Variants in TRIO observed in about 807,000 individuals in gnomAD.
TRIO encodes trio Rho guanine nucleotide exchange factor.
Under a neutral mutation model 351.9 loss-of-function variants are expected in TRIO, and 58 were observed. The observed-to-expected ratio is 0.16, with a 90% CI of 0.13 to 0.21. The LOEUF is 0.21. Among genes scored for constraint, TRIO ranks in the 10% least tolerant of loss-of-function variants. The pLI, the probability that TRIO is intolerant of heterozygous loss-of-function variation, is 1.00. For synonymous variants in TRIO, 1,758 were observed against 1,595.7 expected (o/e 1.10, Z -2.42); for missense variants, 3,201 against 4,027.8 (o/e 0.79, Z 5.56).
chr5:14,457,681 C>T (rs569153818), intron 34 of TRIO, among the ~76,000 whole-genome samples: 1 of 152,246 alleles, frequency 6.6e-6, no homozygotes, highest in South Asian at 2.1e-4. Flanking sequence ...GACTGTGGTT[C>T]CTTCTCTCAT....
At chr5:14,313,931 G>A (rs1739150632) in intron 8 of TRIO, among the ~76,000 whole-genome samples, 1 of 152,146 alleles carries the variant, frequency 6.6e-6, no homozygotes, top group East Asian at 1.9e-4. Context: ...GAGTGTTGCT[G>A]TTTCTGACTG....
At chr5:14,192,574 T>C (rs1007633653) in intron 1 of TRIO, among the ~76,000 whole-genome samples, 2 of 152,166 alleles carry the variant, frequency 1.3e-5, no homozygotes, top group Non-Finnish European at 2.9e-5. Context: ...ATTAATAATA[T>C]CAGTATTCTG....
chr5:14,300,601 C>A (rs1737791608), intron 7 of TRIO, among the ~76,000 whole-genome samples: 1 of 152,112 alleles, frequency 6.6e-6, no homozygotes, highest in Non-Finnish European at 1.5e-5. Context: ...AATAAAGTAA[C>A]AGTGTTTGTA....
Position 14,508,047 on chromosome 5 carries a change from G to A in TRIO, c.8919G>A (p.Ser2973=), listed in dbSNP as rs564650565. ...TCGGGAACCCTGTCTCCCTGACCTC[G>A]GATACGTGGAGTGTTGGAGTGCTCA... ...IILGNPVSLT[S]DTWSVGVLTY... is the part of the protein sequence containing the mutation. Residue 2973 remains serine (S), a synonymous_variant, in exon 57 of 57, where the codon TCG becomes TCA. Coordinates refer to ENST00000344204, the MANE Select transcript of TRIO (RefSeq NM_007118.4). 2.5e-5 allele frequency: 40 copies of A among 1,614,188 alleles called. No individual in the cohort carries two copies. The Admixed American group carries it at 4.8e-4, about 19-fold the overall frequency.
rs1056803105 is a variant in TRIO, at chr5:14,369,269, C to T, written c.3067-105C>T. ...GCTCCTTCTTATGGTCTTGATCCTC[C>T]TGACAGCATCTTCATCCCCAGAGCC... On this transcript the variant is annotated intron_variant, in intron 17 of 56. Coordinates refer to ENST00000344204, the MANE Select transcript of TRIO (RefSeq NM_007118.4). 1.6e-5 allele frequency: 23 copies of T among 1,463,008 alleles called. No homozygotes were observed. In the Admixed American group the frequency reaches 4.5e-4, roughly 29 times the overall value. The allele number at this position is 1,463,008 out of a possible 1,614,324, so 90.6% of individuals were successfully genotyped here.
chr5:14,158,650 AG>A (rs1788254428), intron 1 of TRIO, among the ~76,000 whole-genome samples: 1 of 152,050 alleles, frequency 6.6e-6, no homozygotes, highest in African/African-American at 2.4e-5. Context: ...TGGGCAACAT[AG>A]TGAGATTCAG....
At chr5:14,394,349 C>T (rs1166777506) in intron 28 of TRIO, among the ~76,000 whole-genome samples, 1 of 152,018 alleles carries the variant, frequency 6.6e-6, no homozygotes, top group African/African-American at 2.4e-5. Context: ...ACTGACTGAC[C>T]CTAAACATAA....
chr5:14,293,911 A>G (rs1737119173), intron 6 of TRIO, among the ~76,000 whole-genome samples: 1 of 152,140 alleles, frequency 6.6e-6, no homozygotes, highest in Admixed American at 6.5e-5. Context: ...ACTTTAAGCC[A>G]GCCTTGTGAG....
At chr5:14,346,251 C>G (rs886826593) in intron 11 of TRIO, among the ~76,000 whole-genome samples, 1 of 152,178 alleles carries the variant, frequency 6.6e-6, no homozygotes, top group South Asian at 2.1e-4. Flanking sequence ...TGTTGATGAA[C>G]GACAAGCAGA....
chr5:14,144,370 TCCTCGACCC>T (rs1787362792), intron 1 of TRIO, among the ~76,000 whole-genome samples: 1 of 152,200 alleles, frequency 6.6e-6, no homozygotes, highest in African/African-American at 2.4e-5. Context: ...ACCTGGACCC[TCCTCGACCC>T]CATTAGCAGC....
At chr5:14,187,094 A>G (rs1391593666) in intron 1 of TRIO, among the ~76,000 whole-genome samples, 1 of 152,232 alleles carries the variant, frequency 6.6e-6, no homozygotes, top group Admixed American at 6.5e-5. Flanking sequence ...AAGGCAGCCT[A>G]AAGCGATGAA....
intron 1 of TRIO, among the ~76,000 whole-genome samples, chr5:14,207,775 T>C (rs1791637044): frequency 6.6e-6 from 1 of 152,162 alleles, no homozygotes; most frequent in South Asian, 2.1e-4. Flanking sequence ...TTGTAAATCA[T>C]ATATCCAATA....
chr5:14,355,232 T>C (rs1035087791), intron 11 of TRIO, among the ~76,000 whole-genome samples: 23 of 152,346 alleles, frequency 1.5e-4, no homozygotes, highest in African/African-American at 5.3e-4. Context: ...TTTGACTCTT[T>C]CATGAAACAT....
intron 25 of TRIO, 114 bp downstream of exon 25, chr5:14,389,512 A>T: frequency 1.4e-6 from 1 of 718,504 alleles, no homozygotes; most frequent in Non-Finnish European, 2.2e-6. Context: ...TTTTGTTTCC[A>T]TTTGAATGAA....
intron 33 of TRIO, among the ~76,000 whole-genome samples, chr5:14,410,174 G>A (rs1749076404): frequency 1.3e-5 from 2 of 152,176 alleles, no homozygotes; most frequent in Admixed American, 6.5e-5. Flanking sequence ...GGATTAAACG[G>A]CGTATGAGAC....
Position 14,496,927 on chromosome 5 carries a change from G to GA in TRIO, c.7935dup (p.Asp2646ArgfsTer2). 1.2e-6 allele frequency: 2 copies of GA among 1,614,136 alleles called. No homozygotes were observed. The highest frequency in any genetic ancestry group is 1.7e-6 in the Non-Finnish European group (2 of 1,180,014). ...CACTCCGTTTAAGGAAAAAATCTGA[G>GA]AAAAAAGATAAAGACGGCAAAAGGG... On this transcript the variant is annotated frameshift_variant, in exon 50 of 57. Transcript: ENST00000344204. LOFTEE classifies it high-confidence loss of function.
chr5:14,389,994 G>C (rs79968860), intron 25 of TRIO, among the ~76,000 whole-genome samples: 1 of 152,064 alleles, frequency 6.6e-6, no homozygotes, highest in Non-Finnish European at 1.5e-5. Context: ...AAATATTTAC[G>C]TCTCCGAAGT....
Position 14,487,445 on chromosome 5 carries a change from C to G in TRIO, c.6836-19C>G. The G allele has an allele frequency of 9.1e-7, 1 of 1,100,056 alleles. No individual in the cohort carries two copies. The highest frequency in any genetic ancestry group is 1.1e-6 in the Non-Finnish European group (1 of 885,704). 68.1% of individuals were successfully genotyped at this position (1,100,056 alleles called of 1,614,324 possible). On this transcript the variant is annotated intron_variant, in intron 47 of 56. Coordinates refer to ENST00000344204, the MANE Select transcript of TRIO (RefSeq NM_007118.4). ...CCTTGGCGCCCTGACCCAGTCTCTC[C>G]CGCTGTCTTGTCTTACAGCCTTGAC... is the stretch of plus-strand genomic sequence containing the variant.
chr5:14,377,490 C>A (rs1200601097), intron 19 of TRIO, among the ~76,000 whole-genome samples: 1 of 152,054 alleles, frequency 6.6e-6, no homozygotes, highest in Non-Finnish European at 1.5e-5. Flanking sequence ...AGGTGATCCA[C>A]CCATCCGCCT....
Sources: gnomAD v4.1 joint callset for allele counts (sites outside exome capture counted in the v4.1 genomes callset) on GRCh38, gnomAD v4.1.1 for gene constraint, MANE v1.5 for transcripts, NCBI Gene and HGNC (gene_info 2026-07-23, HGNC 2026-07-21) for gene names.